Variants in CAMTA1 observed in about 807,000 individuals in gnomAD.
CAMTA1 encodes the protein calmodulin binding transcription activator 1, also known as calmodulin-binding transcription activator 1.
In CAMTA1, 27 loss-of-function variants were observed where a neutral mutation model predicts 170.9. The ratio of observed to expected loss-of-function variants is 0.16; its 90% CI spans 0.12 to 0.22. The LOEUF (loss-of-function observed/expected upper bound fraction) is 0.22, where lower values mean the gene tolerates loss of function less well. CAMTA1 is among the 10% of genes least tolerant of loss of function. The pLI is 1.00. For synonymous variants in CAMTA1, 833 were observed against 891.5 expected (o/e 0.93, Z 1.17); for missense variants, 1,619 against 2,217.2 (o/e 0.73, Z 5.42).
In CAMTA1 at chr1:7,499,654, TGTGA is replaced by T. The variant is rs1289872319; in HGVS notation, c.510+31757_510+31760del. Reference sequence around the variant, plus strand: ...TGAGCCTGGTGTGAGTGCATGTGTATGTGAGTGTGTGCATGAGTGTGTGTGAACC... The same window carrying T: ...TGAGCCTGGTGTGAGTGCATGTGTATGTGTGTGCATGAGTGTGTGTGAACC... On this transcript the variant is annotated intron_variant, in intron 6 of 22. Transcript: ENST00000303635. 2.5e-4 allele frequency among the ~76,000 whole-genome samples: 36 copies of T among 142,670 alleles called. 1 individual carries two copies. Among genetic ancestry groups the T allele is most frequent in the African/African-American group, 6.7e-4 (25 of 37,460 alleles). 93.6% of individuals were successfully genotyped at this position (142,670 alleles called of 152,430 possible).
At chr1:7,026,487 T>G (rs1328300960) in intron 3 of CAMTA1, among the ~76,000 whole-genome samples, 1 of 152,176 alleles carries the variant, frequency 6.6e-6, no homozygotes, top group African/African-American at 2.4e-5. Flanking sequence ...CTTGCCAGAA[T>G]TCTGATATAA....
At chr1:7,418,224 C>G (rs1467632401) in intron 5 of CAMTA1, among the ~76,000 whole-genome samples, 4 of 152,156 alleles carry the variant, frequency 2.6e-5, no homozygotes, top group Non-Finnish European at 5.9e-5. Context: ...GAGATGGAGT[C>G]TTACTTTGTC....
At chr1:7,352,586 G>A (rs1574867626) in intron 5 of CAMTA1, among the ~76,000 whole-genome samples, 1 of 152,172 alleles carries the variant, frequency 6.6e-6, no homozygotes, top group East Asian at 1.9e-4. Context: ...ATCCACCCAT[G>A]GGCCCCTTTC....
chr1:6,865,313 A>G (rs954631196), intron 3 of CAMTA1, among the ~76,000 whole-genome samples: 2 of 152,140 alleles, frequency 1.3e-5, no homozygotes, highest in East Asian at 1.9e-4. Context: ...GGGCCCATTC[A>G]TTCATTCTCT....
At chr1:6,863,822 C>T (rs1309063569) in intron 3 of CAMTA1, among the ~76,000 whole-genome samples, 1 of 152,028 alleles carries the variant, frequency 6.6e-6, no homozygotes, top group Non-Finnish European at 1.5e-5. Flanking sequence ...TTAATTTTCC[C>T]CTAAAGTCTT....
In CAMTA1 at chr1:7,732,418, A is replaced by C. The variant is rs199774891; in HGVS notation, c.2915-30A>C. 1,283 of 1,602,448 alleles carry C rather than the reference A, an allele frequency of 8.0e-4. No individual in the cohort carries two copies. The highest frequency in any genetic ancestry group is 1.1e-3 in the Non-Finnish European group (1,240 of 1,169,884). The stretch of plus-strand genomic sequence containing the variant: ...GTTGACTGCTTTTCTTCCAGAACAC[A>C]ACCTCACTCTTCCTCCTGCTCTGCC... On this transcript the variant is annotated intron_variant, in intron 11 of 22. Coordinates refer to ENST00000303635, the MANE Select transcript of CAMTA1 (RefSeq NM_015215.4). The surrounding 1 kb of genome is among the most constrained non-coding windows in gnomAD (Gnocchi z 4.1).
At chr1:7,749,907 C>T in intron 19 of CAMTA1, 1 of 403,062 alleles carries the variant, frequency 2.5e-6, no homozygotes, top group South Asian at 1.8e-5. Context: ...TAAACATATC[C>T]CCCTTGCCAG....
intron 3 of CAMTA1, among the ~76,000 whole-genome samples, chr1:6,950,136 C>T (rs1688228734): frequency 6.6e-6 from 1 of 152,228 alleles, no homozygotes; most frequent in Non-Finnish European, 1.5e-5. Context: ...GAGGTCTCAT[C>T]TGCCCAGGGG....
intron 6 of CAMTA1, among the ~76,000 whole-genome samples, chr1:7,616,335 T>G (rs577853833): frequency 6.6e-6 from 1 of 152,384 alleles, no homozygotes; most frequent in Non-Finnish European, 1.5e-5. Context: ...TCACTTCTTT[T>G]TTTCATACGC....
intron 5 of CAMTA1, among the ~76,000 whole-genome samples, chr1:7,359,779 G>A (rs2085400905): frequency 2.0e-5 from 3 of 152,230 alleles, no homozygotes; most frequent in Non-Finnish European, 4.4e-5. Flanking sequence ...GTGTTTGCAT[G>A]ATAAGCAGGG....
At chr1:6,786,674 C>T (rs956799733) in intron 1 of CAMTA1, among the ~76,000 whole-genome samples, 1 of 152,106 alleles carries the variant, frequency 6.6e-6, no homozygotes, top group African/African-American at 2.4e-5. Context: ...TCCTAAATAC[C>T]CTTTGAGTTG....
At chr1:7,371,208 G>A (rs945533590) in intron 5 of CAMTA1, among the ~76,000 whole-genome samples, 1 of 150,658 alleles carries the variant, frequency 6.6e-6, no homozygotes, top group East Asian at 2.0e-4. Flanking sequence ...ACCGTGCCTG[G>A]CCTGGATGTG....
At chr1:7,091,109 C>T (rs1239048951) in intron 3 of CAMTA1, among the ~76,000 whole-genome samples, 195 bp from the exon 4 acceptor site, 2 of 152,044 alleles carry the variant, frequency 1.3e-5, no homozygotes, top group African/African-American at 2.4e-5. Flanking sequence ...TGATTACTAC[C>T]GTGTGACAGG....
At chr1:7,590,605 T>A (rs192412750) in intron 6 of CAMTA1, among the ~76,000 whole-genome samples, 16 of 152,340 alleles carry the variant, frequency 1.1e-4, no homozygotes, top group Non-Finnish European at 1.3e-4. Flanking sequence ...GGTGGGCGGT[T>A]GGCTGACAGC....
intron 5 of CAMTA1, among the ~76,000 whole-genome samples, chr1:7,459,078 T>A (rs920652468): frequency 6.6e-6 from 1 of 152,036 alleles, no homozygotes; most frequent in Non-Finnish European, 1.5e-5. Context: ...TGAAGGCGGG[T>A]CCCAAAGAAG....
At chr1:7,261,307 T>C (rs1668130254) in intron 5 of CAMTA1, among the ~76,000 whole-genome samples, 1 of 152,196 alleles carries the variant, frequency 6.6e-6, no homozygotes, top group Admixed American at 6.5e-5. Flanking sequence ...TTTGTGTTTC[T>C]ATTGATAACT....
At chr1:7,374,745 G>C (rs891798319) in intron 5 of CAMTA1, among the ~76,000 whole-genome samples, 1 of 152,206 alleles carries the variant, frequency 6.6e-6, no homozygotes, top group African/African-American at 2.4e-5. Context: ...GGAAGTGAGG[G>C]CTCAAGGAAC....
chr1:7,459,187 T>G (rs1350432403), intron 5 of CAMTA1, among the ~76,000 whole-genome samples: 3 of 152,172 alleles, frequency 2.0e-5, no homozygotes, highest in Non-Finnish European at 4.4e-5. Flanking sequence ...ATGACGCTTG[T>G]TTGAATCCTT....
chr1:7,491,796 C>G lies in CAMTA1; in HGVS notation c.510+23895C>G, dbSNP rs534280685. 2.6e-5 allele frequency among the ~76,000 whole-genome samples: 4 copies of G among 152,332 alleles called. No individual in the cohort carries two copies. The East Asian group carries it at 5.8e-4, about 22-fold the overall frequency. On this transcript the variant is annotated intron_variant, in intron 6 of 22. Coordinates refer to ENST00000303635, the MANE Select transcript of CAMTA1 (RefSeq NM_015215.4). ...ACTCATACCATTTCCTGTCGCGAAG[C>G]CAGCTCAGTGATGGGCAGAGCTTCC...
Sources: allele counts gnomAD v4.1 joint callset (sites outside exome capture counted in the v4.1 genomes callset), GRCh38; gene constraint gnomAD v4.1.1; non-coding constraint Gnocchi (gnomAD v3.1); transcripts MANE v1.5; gene names NCBI Gene and HGNC (gene_info 2026-07-23, HGNC 2026-07-21).